The following NRXN3 variants were observed in gnomAD, a reference collection of about 807,000 sequenced individuals.
The protein encoded by NRXN3 is neurexin 3, also known as neurexin III.
Under a neutral mutation model 137.6 loss-of-function variants are expected in NRXN3, and 32 were observed. The observed-to-expected ratio is 0.23, with a 90% CI of 0.18 to 0.31. The LOEUF (loss-of-function observed/expected upper bound fraction) is 0.31, where lower values mean the gene tolerates loss of function less well. Ranked by LOEUF, NRXN3 falls within the 10% of genes least tolerant of loss-of-function variation. NRXN3 has a pLI of 1.00. For synonymous variants in NRXN3, 798 were observed against 784.5 expected, an observed-to-expected ratio of 1.02 and a Z score of -0.29; for missense variants, 1,574 against 2,062.5, an observed-to-expected ratio of 0.76 and a Z score of 4.59.
rs149368611 is a variant in NRXN3 at position 78,721,057 on chromosome 14, T to TCTAC, written c.2044+5920_2044+5923dup. ...ACATAATCTGCAAACTCTAATGCAATCTACCAGTGTCAATGATTCAGGAAA... is the reference window on the plus strand; with the variant it reads ...ACATAATCTGCAAACTCTAATGCAATCTACCTACCAGTGTCAATGATTCAGGAAA... On this transcript the variant is annotated intron_variant, in intron 8 of 20. Transcript: ENST00000335750. 9.1e-3 allele frequency among the ~76,000 whole-genome samples: 1,380 copies of TCTAC among 152,334 alleles called. 14 individuals carry two copies. The highest frequency in any genetic ancestry group is 0.025 in the South Asian group (120 of 4,826).
At chr14:79,768,860 A>AGTT (rs542817768) in intron 19 of NRXN3, among the ~76,000 whole-genome samples, 2,821 of 152,050 alleles carry the variant, frequency 0.019, 84 homozygotes, top group African/African-American at 0.064. Context: ...AAGGCAAAGA[A>AGTT]GTTGAAAACT....
At chr14:78,823,102 A>G (rs1453631014) in intron 10 of NRXN3, among the ~76,000 whole-genome samples, 1 of 152,210 alleles carries the variant, frequency 6.6e-6, no homozygotes, top group Non-Finnish European at 1.5e-5. Context: ...TGCATAGAAG[A>G]TGAATTAGGA....
intron 15 of NRXN3, among the ~76,000 whole-genome samples, chr14:79,301,050 T>C (rs1016038192): frequency 5.9e-5 from 9 of 152,108 alleles, no homozygotes; most frequent in African/African-American, 2.2e-4. Context: ...TGCAGGGACA[T>C]AATTACCAAT....
intron 18 of NRXN3, among the ~76,000 whole-genome samples, chr14:79,696,407 CTAAG>C (rs1290881176): frequency 4.6e-5 from 7 of 151,900 alleles, no homozygotes; most frequent in African/African-American, 1.2e-4. Flanking sequence ...TGTTTGATCA[CTAAG>C]TAGAGAAAAC....
chr14:79,073,692 A>G (rs982459254), intron 15 of NRXN3, among the ~76,000 whole-genome samples: 1 of 152,140 alleles, frequency 6.6e-6, no homozygotes, highest in African/African-American at 2.4e-5. Context: ...AGTCAGAAAT[A>G]TATTGAAGGG....
intron 16 of NRXN3, among the ~76,000 whole-genome samples, chr14:79,594,712 A>G (rs755686989): frequency 2.6e-5 from 4 of 152,030 alleles, no homozygotes; most frequent in Non-Finnish European, 4.4e-5. Context: ...TATATATATA[A>G]AGGTCTGTGG....
At chr14:78,644,502 A>G (rs548865826) in intron 4 of NRXN3, among the ~76,000 whole-genome samples, 1 of 152,240 alleles carries the variant, frequency 6.6e-6, no homozygotes, top group African/African-American at 2.4e-5. Flanking sequence ...ATCAAAACAT[A>G]TCAAATTAAT....
intron 16 of NRXN3, among the ~76,000 whole-genome samples, chr14:79,472,792 GA>G (rs1214269411): frequency 6.6e-6 from 1 of 151,640 alleles, no homozygotes; most frequent in African/African-American, 2.4e-5. Context: ...ATACAACAGG[GA>G]AAAAAAACTG....
intron 16 of NRXN3, among the ~76,000 whole-genome samples, chr14:79,581,571 A>G (rs532943868): frequency 5.3e-5 from 8 of 152,258 alleles, no homozygotes; most frequent in Admixed American, 4.6e-4. Flanking sequence ...GGATTTGTTC[A>G]TGTCTTTGTT....
chr14:78,925,093 C>A (rs910690919), intron 10 of NRXN3, among the ~76,000 whole-genome samples: 1 of 152,204 alleles, frequency 6.6e-6, no homozygotes, highest in Non-Finnish European at 1.5e-5. Flanking sequence ...TCAGCTGACT[C>A]ATTTGAGCGT....
At chr14:79,807,558 C>G (rs1410114048) in intron 20 of NRXN3, among the ~76,000 whole-genome samples, 6 of 152,100 alleles carry the variant, frequency 3.9e-5, no homozygotes, top group Non-Finnish European at 7.3e-5. Flanking sequence ...CTAGAGGCCA[C>G]GCAGGTATTT....
intron 4 of NRXN3, among the ~76,000 whole-genome samples, chr14:78,459,053 T>G (rs2094840678): frequency 6.6e-6 from 1 of 152,196 alleles, no homozygotes; most frequent in East Asian, 1.9e-4. Context: ...TTTTCCTTCT[T>G]GTGTTCTATA....
At chr14:78,855,584 A>C (rs974758101) in intron 10 of NRXN3, among the ~76,000 whole-genome samples, 1 of 152,214 alleles carries the variant, frequency 6.6e-6, no homozygotes, top group Admixed American at 6.5e-5. Context: ...AGATCATGAA[A>C]AGGAATGATT....
intron 15 of NRXN3, among the ~76,000 whole-genome samples, chr14:79,164,604 A>G (rs1407469341): frequency 6.6e-6 from 1 of 152,044 alleles, no homozygotes; most frequent in East Asian, 1.9e-4. Context: ...TAATTTGGGA[A>G]AAGGGACTAC....
chr14:79,620,793 A>G (rs2098215551), intron 16 of NRXN3, among the ~76,000 whole-genome samples: 1 of 152,294 alleles, frequency 6.6e-6, no homozygotes. Flanking sequence ...AGTAAGAGGT[A>G]GAGAAAGAGA....
At chr14:79,191,339 A>G (rs1006169563) in intron 15 of NRXN3, among the ~76,000 whole-genome samples, 10 of 152,200 alleles carry the variant, frequency 6.6e-5, no homozygotes, top group African/African-American at 2.4e-4. Context: ...TTGATGATAG[A>G]TGAAGACAAT....
chr14:78,784,290 G>T (rs976752906), intron 8 of NRXN3, among the ~76,000 whole-genome samples: 4 of 152,152 alleles, frequency 2.6e-5, no homozygotes. Context: ...CAAGGAAACA[G>T]GGTGGCTGAA....
chr14:78,181,949 A>G (rs2153354128), intron 1 of NRXN3, among the ~76,000 whole-genome samples: 1 of 152,286 alleles, frequency 6.6e-6, no homozygotes, highest in East Asian at 1.9e-4. Flanking sequence ...TACAGCCACC[A>G]TCAAGAGAGA....
rs562441663 is a variant in NRXN3 at position 78,205,549 on chromosome 14, G to A, written c.-704+34875G>A. On this transcript the variant is annotated intron_variant, in intron 1 of 20. Coordinates refer to ENST00000335750, the MANE Select transcript of NRXN3 (RefSeq NM_001330195.2). ...AGGAATTGAGGTGAAAGATCAAAAAGTTGATTGTGGCTTGGCTTAGGCCAA... is the reference window on the plus strand; with the variant it reads ...AGGAATTGAGGTGAAAGATCAAAAAATTGATTGTGGCTTGGCTTAGGCCAA... Among the ~76,000 whole-genome samples, 136 of 152,380 alleles carry A rather than the reference G, an allele frequency of 8.9e-4. 4 individuals carry two copies. The highest frequency in any genetic ancestry group is 8.9e-3 in the Admixed American group (136 of 15,308).
Sources: gnomAD v4.1 joint callset for allele counts (sites outside exome capture counted in the v4.1 genomes callset) on GRCh38, gnomAD v4.1.1 for gene constraint, MANE v1.5 for transcripts, NCBI Gene and HGNC (gene_info 2026-07-23, HGNC 2026-07-21) for gene names.